The following SLCO3A1 variants were observed in gnomAD, a reference collection of about 807,000 sequenced individuals.
The protein encoded by SLCO3A1 is solute carrier organic anion transporter family member 3A1, also known as PGE1 transporter.
In SLCO3A1, 27 loss-of-function variants were observed where a neutral mutation model predicts 63.1. That is an observed-to-expected ratio of 0.43 (90% CI 0.32 to 0.59). SLCO3A1 has a LOEUF of 0.59. SLCO3A1 is among the 20% of genes least tolerant of loss of function. The probability of loss-of-function intolerance (pLI) is 0.09; values close to 1 mark genes in which losing one functional copy is unlikely to be tolerated. For synonymous variants in SLCO3A1, 473 were observed against 409.9 expected (o/e 1.15, Z -1.86); for missense variants, 773 against 945.8 (o/e 0.82, Z 2.40).
intron 2 of SLCO3A1, among the ~76,000 whole-genome samples, chr15:92,050,370 C>T (rs191993811): frequency 6.6e-6 from 1 of 152,294 alleles, no homozygotes; most frequent in Admixed American, 6.5e-5. Flanking sequence ...TGGAAACAAA[C>T]ACACCTAGGG....
chr15:91,905,369 C>T (rs1898269505), intron 1 of SLCO3A1, among the ~76,000 whole-genome samples: 1 of 152,218 alleles, frequency 6.6e-6, no homozygotes, highest in Admixed American at 6.5e-5. Flanking sequence ...TCAAGTCAGT[C>T]AAAGAACATA....
At chr15:91,936,359 A>G (rs1184971374) in intron 2 of SLCO3A1, among the ~76,000 whole-genome samples, 1 of 152,234 alleles carries the variant, frequency 6.6e-6, no homozygotes, top group Non-Finnish European at 1.5e-5. Context: ...ATTTAAATTA[A>G]CAAAGCCAAA....
chr15:91,993,403 GA>G (rs1424321321), intron 2 of SLCO3A1, among the ~76,000 whole-genome samples: 14 of 152,184 alleles, frequency 9.2e-5, no homozygotes, highest in Non-Finnish European at 1.8e-4. Context: ...AATTTATAGA[GA>G]TAATGACTTA....
chr15:92,122,260 A>AGCCAGGCATGGGG lies in SLCO3A1; in HGVS notation c.1174+1634_1174+1646dup, dbSNP rs2047871474. Among the ~76,000 whole-genome samples the AGCCAGGCATGGGG allele has an allele frequency of 3.9e-5, 6 of 152,346 alleles. No individual in the cohort carries two copies. In the East Asian group the frequency reaches 1.2e-3, roughly 29 times the overall value. On this transcript the variant is annotated intron_variant, in intron 5 of 9. Coordinates refer to ENST00000318445, the MANE Select transcript of SLCO3A1 (RefSeq NM_013272.4). ...GAAGCTACTGAGAATGTGGTGATAC[A>AGCCAGGCATGGGG]GCCAGGCATGGGGGCAGCTACAGCT...
At chr15:91,926,557 C>CCG (rs1597127103) in intron 2 of SLCO3A1, among the ~76,000 whole-genome samples, 10 of 54,378 alleles carry the variant, frequency 1.8e-4, no homozygotes, top group East Asian at 2.4e-3. Flanking sequence ...TCCTGCCAAG[C>CCG]CGTGTGTGTG....
intron 2 of SLCO3A1, among the ~76,000 whole-genome samples, chr15:92,060,393 C>T (rs1399574689): frequency 6.6e-6 from 1 of 152,056 alleles, no homozygotes; most frequent in African/African-American, 2.4e-5. Context: ...AACCCTGTCT[C>T]TACTAAAAAT....
intron 2 of SLCO3A1, among the ~76,000 whole-genome samples, chr15:92,002,427 C>T (rs2046266452): frequency 6.6e-6 from 1 of 152,070 alleles, no homozygotes; most frequent in Non-Finnish European, 1.5e-5. Flanking sequence ...ATCAGTCTGG[C>T]AACATTTCTT....
intron 3 of SLCO3A1, among the ~76,000 whole-genome samples, chr15:92,103,008 G>A (rs866338982): frequency 2.0e-5 from 3 of 152,224 alleles, no homozygotes; most frequent in South Asian, 2.1e-4. Context: ...GGCTGGAACA[G>A]TTAAGAATGT....
intron 1 of SLCO3A1, chr15:91,889,008 T>TAAAAAA: frequency 3.0e-6 from 1 of 334,332 alleles, no homozygotes; most frequent in Non-Finnish European, 4.9e-6. Flanking sequence ...AGACTGTCTC[T>TAAAAAA]AAAAAAAAAA....
intron 2 of SLCO3A1, among the ~76,000 whole-genome samples, chr15:92,044,176 G>A (rs1242188181): frequency 6.6e-6 from 1 of 151,982 alleles, no homozygotes; most frequent in African/African-American, 2.4e-5. Flanking sequence ...ACACTCTCCT[G>A]TCTTGGCTTC....
At chr15:91,874,539 T>C (rs1473801528) in intron 1 of SLCO3A1, among the ~76,000 whole-genome samples, 1 of 152,240 alleles carries the variant, frequency 6.6e-6, no homozygotes, top group Admixed American at 6.5e-5. Context: ...CATAATGTCC[T>C]CACAGGTCAT....
intron 2 of SLCO3A1, among the ~76,000 whole-genome samples, chr15:92,004,309 G>A (rs1378217552): frequency 6.6e-6 from 1 of 152,310 alleles, no homozygotes; most frequent in South Asian, 2.1e-4. Context: ...CCTCCTATAC[G>A]GTGAAGACCA....
intron 4 of SLCO3A1, among the ~76,000 whole-genome samples, chr15:92,110,510 C>G (rs536701618): frequency 1.3e-5 from 2 of 152,180 alleles, no homozygotes; most frequent in Admixed American, 6.5e-5. Flanking sequence ...TTTCAGTTCT[C>G]CCTATACCCC....
At chr15:91,864,086 C>T (rs892293758) in intron 1 of SLCO3A1, among the ~76,000 whole-genome samples, 4 of 152,200 alleles carry the variant, frequency 2.6e-5, no homozygotes, top group Admixed American at 6.5e-5. Flanking sequence ...CAGAGTGGCA[C>T]GTGGAGCCAG....
intron 2 of SLCO3A1, among the ~76,000 whole-genome samples, chr15:92,047,814 C>T (rs954417510): frequency 2.0e-5 from 3 of 150,700 alleles, no homozygotes; most frequent in Non-Finnish European, 4.4e-5. Flanking sequence ...GCTTGAGCCT[C>T]TTCCTGCTCA....
rs550361533 is a variant in SLCO3A1 at position 92,102,728 on chromosome 15, C to G, written c.746-1551C>G. Among the ~76,000 whole-genome samples, 8 of 152,288 alleles carry G rather than the reference C, an allele frequency of 5.3e-5. No homozygotes were observed. In the South Asian group the frequency reaches 1.7e-3, roughly 32 times the overall value. ...CAGTGTTCCAAAGGCCACTTGCTAC[C>G]TACTGGAAGAGCTGGTGGCCTTAGG... On this transcript the variant is annotated intron_variant, in intron 3 of 9. Transcript: ENST00000318445.
At chr15:92,103,862 G>A (rs897641376) in intron 3 of SLCO3A1, among the ~76,000 whole-genome samples, 2 of 152,160 alleles carry the variant, frequency 1.3e-5, no homozygotes, top group African/African-American at 4.8e-5. Flanking sequence ...GTGGGGCATT[G>A]AGTGGGATCT....
chr15:92,001,933 G>A (rs1475334295), intron 2 of SLCO3A1, among the ~76,000 whole-genome samples: 1 of 143,496 alleles, frequency 7.0e-6, no homozygotes, highest in African/African-American at 2.6e-5. Flanking sequence ...TATTAGCTCA[G>A]TTGGCACCTT....
intron 1 of SLCO3A1, among the ~76,000 whole-genome samples, chr15:91,878,424 C>T (rs1442302541): frequency 1.3e-5 from 2 of 152,180 alleles, no homozygotes; most frequent in Non-Finnish European, 2.9e-5. Context: ...GATGTGTTCA[C>T]TGTCCTTGGT....
Sources: allele counts gnomAD v4.1 joint callset (sites outside exome capture counted in the v4.1 genomes callset), GRCh38; gene constraint gnomAD v4.1.1; transcripts MANE v1.5; gene names NCBI Gene and HGNC (gene_info 2026-07-23, HGNC 2026-07-21).